The following CDH13 variants were observed in gnomAD, a reference collection of about 807,000 sequenced individuals.
CDH13 encodes the protein cadherin 13, also known as cadherin-13.
CDH13 carries 24 observed loss-of-function variants against 63.8 expected under a neutral mutation model. That is an observed-to-expected ratio of 0.38 (90% CI 0.27 to 0.53). The LOEUF is 0.53. Among genes scored for constraint, CDH13 ranks in the 20% least tolerant of loss-of-function variants. The pLI, the probability that CDH13 is intolerant of heterozygous loss-of-function variation, is 0.85. For missense variants in CDH13, 1,049 were observed against 903.1 expected (o/e 1.16, Z -2.07); for synonymous variants, 503 against 355.3 (o/e 1.42, Z -4.67).
chr16:82,901,895 G>A (rs572575736), intron 2 of CDH13, among the ~76,000 whole-genome samples: 3 of 152,324 alleles, frequency 2.0e-5, no homozygotes, highest in Admixed American at 1.3e-4. Context: ...CAGATTCTCT[G>A]TGCAGATACT....
At chr16:82,890,464 T>A (rs571933381) in intron 2 of CDH13, among the ~76,000 whole-genome samples, 1 of 152,214 alleles carries the variant, frequency 6.6e-6, no homozygotes, top group African/African-American at 2.4e-5. Context: ...AATAAATAAT[T>A]GAGGCAGGCT....
At chr16:83,068,011 C>G (rs2032149827) in intron 3 of CDH13, among the ~76,000 whole-genome samples, 1 of 152,182 alleles carries the variant, frequency 6.6e-6, no homozygotes, top group Admixed American at 6.5e-5. Context: ...AGTTCATCAT[C>G]TCAGTCAATC....
chr16:83,458,784 C>G (rs955032055), intron 6 of CDH13, among the ~76,000 whole-genome samples: 2 of 152,206 alleles, frequency 1.3e-5, no homozygotes, highest in African/African-American at 4.8e-5. Flanking sequence ...TTCTGACATT[C>G]TGTCTGCTGA....
At chr16:83,759,501 GAT>G (rs1379097610) in intron 11 of CDH13, among the ~76,000 whole-genome samples, 1 of 149,574 alleles carries the variant, frequency 6.7e-6, no homozygotes, top group Non-Finnish European at 1.5e-5. Context: ...TCGTAATTAG[GAT>G]ACAAAAGTAC....
intron 3 of CDH13, among the ~76,000 whole-genome samples, chr16:83,105,737 C>G (rs73602215): frequency 0.067 from 10,252 of 152,200 alleles, 585 homozygotes; most frequent in African/African-American, 0.16. Flanking sequence ...AAACCACCCC[C>G]AAATCATCAT....
chr16:83,306,552 C>T (rs569748464), intron 5 of CDH13, among the ~76,000 whole-genome samples: 2 of 152,280 alleles, frequency 1.3e-5, no homozygotes, highest in African/African-American at 4.8e-5. Flanking sequence ...CTCAAAAGTC[C>T]TCCCTAGAAG....
At chr16:83,299,254 T>C (rs1443356618) in intron 5 of CDH13, among the ~76,000 whole-genome samples, 2 of 151,138 alleles carry the variant, frequency 1.3e-5, no homozygotes, top group Non-Finnish European at 2.9e-5. Flanking sequence ...TATTATTCCC[T>C]TATTTTGGAT....
chr16:83,675,827 C>T (rs1315357844), intron 9 of CDH13, among the ~76,000 whole-genome samples: 1 of 152,058 alleles, frequency 6.6e-6, no homozygotes, highest in Non-Finnish European at 1.5e-5. Flanking sequence ...GATTTTTGCA[C>T]AATCAAAATA....
At chr16:82,935,567 A>C (rs1824556385) in intron 2 of CDH13, among the ~76,000 whole-genome samples, 1 of 152,188 alleles carries the variant, frequency 6.6e-6, no homozygotes, top group South Asian at 2.1e-4. Context: ...CCTACCTTGG[A>C]AATCATTTCA....
intron 5 of CDH13, among the ~76,000 whole-genome samples, chr16:83,295,613 A>C (rs190960576): frequency 6.6e-6 from 1 of 152,330 alleles, no homozygotes; most frequent in Non-Finnish European, 1.5e-5. Context: ...GCAAATTAAA[A>C]CCACAATGAG....
chr16:83,025,719 C>G (rs140865922), intron 2 of CDH13, among the ~76,000 whole-genome samples: 1 of 152,174 alleles, frequency 6.6e-6, no homozygotes, highest in African/African-American at 2.4e-5. Flanking sequence ...CTTAAAACTT[C>G]CCTTTCTTGG....
chr16:82,774,399 T>C (rs2035397770), intron 1 of CDH13, among the ~76,000 whole-genome samples: 2 of 151,942 alleles, frequency 1.3e-5, no homozygotes, highest in Non-Finnish European at 2.9e-5. Context: ...AGCTATCTCA[T>C]AGGTTATTGT....
At position 82,627,240 on chromosome 16, in the gene CDH13, G is replaced by T. The variant is rs1907395184; in HGVS notation, c.45+103G>T. The T allele has an allele frequency of 4.0e-6, 4 of 1,006,018 alleles. No homozygotes were observed. The Admixed American group carries it at 8.0e-5, about 20-fold the overall frequency. The allele number at this position is 1,006,018 out of a possible 1,614,324, so 62.3% of individuals were successfully genotyped here. On this transcript the variant is annotated intron_variant, in intron 1 of 13. Transcript: ENST00000567109. The stretch of plus-strand genomic sequence containing the variant: ...GGCTTTCGGGGGGTCGGGGCCTCCG[G>T]TCGCGGCGGCGAAGACAGATCGGGG...
At chr16:83,329,238 G>C (rs1322325185) in intron 5 of CDH13, among the ~76,000 whole-genome samples, 1 of 152,040 alleles carries the variant, frequency 6.6e-6, no homozygotes, top group Non-Finnish European at 1.5e-5. Flanking sequence ...GTTTTGTTTT[G>C]TTTTTGAGAC....
At chr16:82,798,685 C>T (rs1035408890) in intron 1 of CDH13, among the ~76,000 whole-genome samples, 1 of 152,054 alleles carries the variant, frequency 6.6e-6, no homozygotes, top group Admixed American at 6.6e-5. Context: ...TGAATAAGTG[C>T]CATAGGCTAG....
Position 83,220,250 on chromosome 16 carries a change from G to A in CDH13, c.636+2753G>A, listed in dbSNP as rs569098548. Among the ~76,000 whole-genome samples the A allele has an allele frequency of 3.9e-5, 6 of 152,304 alleles. No individual in the cohort carries two copies. In the East Asian group the frequency reaches 5.8e-4, roughly 15 times the overall value. On this transcript the variant is annotated intron_variant, in intron 5 of 13. Transcript: ENST00000567109. ...AGAAGCAAGTTTGAGGAAGAGCCCCGATCATTCTGCGGTTCTTTATTTTTA... is the reference window on the plus strand; with the variant it reads ...AGAAGCAAGTTTGAGGAAGAGCCCCAATCATTCTGCGGTTCTTTATTTTTA...
intron 11 of CDH13, among the ~76,000 whole-genome samples, chr16:83,767,157 C>G (rs1914445875): frequency 6.6e-6 from 1 of 152,122 alleles, no homozygotes; most frequent in Non-Finnish European, 1.5e-5. Context: ...GGAGTCTTGT[C>G]TTACTGGTCT....
chr16:83,117,210 C>G lies in CDH13; in HGVS notation c.367-8175C>G, dbSNP rs994148654. ...TGCGGAGTAAAAGCCAGGGCCCTCT[C>G]CATGGCCTACGTGCCTCTCCAGGGT... On this transcript the variant is annotated intron_variant, in intron 3 of 13. Coordinates refer to ENST00000567109, the MANE Select transcript of CDH13 (RefSeq NM_001257.5). 5.3e-5 allele frequency among the ~76,000 whole-genome samples: 8 copies of G among 152,354 alleles called. No individual in the cohort carries two copies. In the East Asian group the frequency reaches 1.2e-3, roughly 22 times the overall value.
chr16:82,975,853 G>A (rs564954629), intron 2 of CDH13, among the ~76,000 whole-genome samples: 3 of 152,076 alleles, frequency 2.0e-5, no homozygotes, highest in Non-Finnish European at 2.9e-5. Context: ...GAAAAATGGG[G>A]GTTTCCTTTT....
Sources: allele counts gnomAD v4.1 joint callset (sites outside exome capture counted in the v4.1 genomes callset), GRCh38; gene constraint gnomAD v4.1.1; transcripts MANE v1.5; gene names NCBI Gene and HGNC (gene_info 2026-07-23, HGNC 2026-07-21).